The following FNIP2 variants were observed in gnomAD, a reference collection of about 807,000 sequenced individuals.
FNIP2 encodes the protein folliculin-interacting protein 2.
FNIP2 carries 32 observed loss-of-function variants against 108.7 expected under a neutral mutation model. The ratio of observed to expected loss-of-function variants is 0.29; its 90% CI spans 0.22 to 0.40. The LOEUF is 0.40. Among genes scored for constraint, FNIP2 ranks in the 10% least tolerant of loss-of-function variants. The pLI is 1.00. For synonymous variants in FNIP2, 480 were observed against 496.7 expected, an observed-to-expected ratio of 0.97 and a Z score of 0.45; for missense variants, 1,202 against 1,381.6, an observed-to-expected ratio of 0.87 and a Z score of 2.06.
chr4:158,851,545 A>G, intron 8 of FNIP2, 95 bp downstream of exon 8: 1 of 1,483,470 alleles, frequency 6.7e-7, no homozygotes, highest in South Asian at 1.3e-5. Flanking sequence ...GTCAGTGGAA[A>G]AAAAACCAAA....
At position 158,869,301 on chromosome 4, in the gene FNIP2, C is replaced by T. The variant is rs760217616; in HGVS notation, c.2665C>T (p.Arg889Ter). The change falls in exon 13 of 17, where the codon CGA (arginine) becomes TGA (stop). Residue 889 changes from arginine to a stop codon, truncating the protein, a stop_gained. Coordinates refer to ENST00000264433, the MANE Select transcript of FNIP2 (RefSeq NM_020840.3). LOFTEE classifies it high-confidence loss of function. ...ANFRTEGDIP[R>*]NESSDSALGD... ...CTTCAGGACTGAAGGAGACATTCCCCGAAATGAAAGCTCAGATAGCGCCCT... is the reference window on the plus strand; with the variant it reads ...CTTCAGGACTGAAGGAGACATTCCCTGAAATGAAAGCTCAGATAGCGCCCT... The T allele has an allele frequency of 1.2e-6, 2 of 1,613,808 alleles. No individual in the cohort carries two copies. Among genetic ancestry groups the T allele is most frequent in the South Asian group, 1.1e-5 (1 of 91,064 alleles).
chr4:158,879,458 T>C (rs1323144504), intron 14 of FNIP2, among the ~76,000 whole-genome samples: 1 of 150,290 alleles, frequency 6.7e-6, no homozygotes, highest in East Asian at 2.0e-4. Flanking sequence ...GTGCAGGGCA[T>C]AGTATGGCTT....
chr4:158,889,181 C>T (rs938791460), intron 14 of FNIP2, among the ~76,000 whole-genome samples: 2 of 152,224 alleles, frequency 1.3e-5, no homozygotes, highest in East Asian at 3.9e-4. Context: ...AAAAGCAAGA[C>T]CCTGTCTCTA....
rs933095522 is a variant in FNIP2 at position 158,807,150 on chromosome 4, T to C, written c.108-18766T>C. On this transcript the variant is annotated intron_variant, in intron 1 of 16. Coordinates refer to ENST00000264433, the MANE Select transcript of FNIP2 (RefSeq NM_020840.3). ...TTACATTTCATTCCAGATTCTTCCA[T>C]AGATAGATAGTAAGGAGAGCTAAAA... 3.9e-5 allele frequency among the ~76,000 whole-genome samples: 6 copies of C among 152,098 alleles called. No homozygotes were observed. In the South Asian group the frequency reaches 6.2e-4, roughly 16 times the overall value.
At chr4:158,829,055 C>T in intron 2 of FNIP2, 24 bp from the exon 3 acceptor site, 1 of 1,562,596 alleles carries the variant, frequency 6.4e-7, no homozygotes, top group Non-Finnish European at 8.7e-7. Flanking sequence ...TAATCTTTTA[C>T]CTTGCCTGTC....
intron 6 of FNIP2, 28 bp from the exon 7 acceptor site, chr4:158,835,377 A>C: frequency 6.2e-7 from 1 of 1,606,702 alleles, no homozygotes; most frequent in Non-Finnish European, 8.5e-7. Flanking sequence ...GAGCCCAATA[A>C]CATGGTTTTC....
chr4:158,769,805 C>T (rs1395998215), intron 1 of FNIP2, among the ~76,000 whole-genome samples: 4 of 152,202 alleles, frequency 2.6e-5, no homozygotes, highest in Non-Finnish European at 5.9e-5. Flanking sequence ...ATATGACAAG[C>T]TCTCAAACGG....
chr4:158,833,837 G>T, intron 6 of FNIP2: 1 of 1,501,886 alleles, frequency 6.7e-7, no homozygotes, highest in Non-Finnish European at 8.9e-7. Flanking sequence ...CTGCTGCAGG[G>T]GGTAGCTGAA....
chr4:158,805,746 G>A (rs1011585629), intron 1 of FNIP2, among the ~76,000 whole-genome samples: 1 of 152,230 alleles, frequency 6.6e-6, no homozygotes, highest in Non-Finnish European at 1.5e-5. Flanking sequence ...GAACAACCTT[G>A]CAGCTGAAGG....
At chr4:158,843,409 G>A (rs1289197887) in intron 7 of FNIP2, among the ~76,000 whole-genome samples, 1 of 152,192 alleles carries the variant, frequency 6.6e-6, no homozygotes, top group Non-Finnish European at 1.5e-5. Flanking sequence ...TCTTCATCCA[G>A]CAGCGTTTCT....
At chr4:158,870,978 A>G (rs973978132) in intron 14 of FNIP2, among the ~76,000 whole-genome samples, 2 of 152,258 alleles carry the variant, frequency 1.3e-5, no homozygotes, top group African/African-American at 4.8e-5. Context: ...GGCAAATGGA[A>G]TAAACAGCAC....
chr4:158,786,841 T>C (rs1776240210), intron 1 of FNIP2, among the ~76,000 whole-genome samples: 1 of 152,222 alleles, frequency 6.6e-6, no homozygotes, highest in Non-Finnish European at 1.5e-5. Context: ...TTTTTTGTGA[T>C]TCTCTCTTCA....
chr4:158,871,350 C>T, intron 14 of FNIP2: 1 of 975,786 alleles, frequency 1.0e-6, no homozygotes, highest in Non-Finnish European at 1.2e-6. Flanking sequence ...GGAAAGTCCT[C>T]ATCGCATTAA....
intron 1 of FNIP2, among the ~76,000 whole-genome samples, chr4:158,795,117 A>T (rs1776544218): frequency 6.6e-6 from 1 of 152,220 alleles, no homozygotes; most frequent in African/African-American, 2.4e-5. Context: ...TTTTGGACTA[A>T]TCAAATGCAG....
intron 6 of FNIP2, chr4:158,833,871 G>T (rs1241377683): frequency 6.9e-7 from 1 of 1,451,038 alleles, no homozygotes; most frequent in Admixed American, 2.3e-5. Flanking sequence ...GGCTCACCCG[G>T]AGTGCTTCTT....
At chr4:158,901,411 C>T (rs1289464572) in intron 16 of FNIP2, among the ~76,000 whole-genome samples, 2 of 152,064 alleles carry the variant, frequency 1.3e-5, no homozygotes, top group Admixed American at 6.6e-5. Flanking sequence ...TCTCTGGCTG[C>T]CCTTAACATT....
intron 1 of FNIP2, among the ~76,000 whole-genome samples, chr4:158,793,567 G>A (rs972884386): frequency 6.6e-6 from 1 of 152,192 alleles, no homozygotes; most frequent in South Asian, 2.1e-4. Flanking sequence ...TACTTCCAGA[G>A]TTGTCTTTGT....
intron 9 of FNIP2, 127 bp from the exon 10 acceptor site, chr4:158,859,451 C>T (rs1780164004): frequency 3.9e-6 from 4 of 1,031,476 alleles, no homozygotes; most frequent in South Asian, 1.6e-5. Context: ...ACTGCTTTTT[C>T]GTGACTGAAG....
At chr4:158,859,498 A>T in intron 9 of FNIP2, 80 bp from the exon 10 acceptor site, 2 of 1,248,058 alleles carry the variant, frequency 1.6e-6, no homozygotes, top group Non-Finnish European at 2.3e-6. Context: ...TGATTACATA[A>T]TTTTTTTTAT....
Sources: gnomAD v4.1 joint callset for allele counts (sites outside exome capture counted in the v4.1 genomes callset) on GRCh38, gnomAD v4.1.1 for gene constraint, MANE v1.5 for transcripts, NCBI Gene and HGNC (gene_info 2026-07-23, HGNC 2026-07-21) for gene names.